SYTL5: variants seen among roughly 807,000 people sequenced by gnomAD.
SYTL5 encodes the protein synaptotagmin-like protein 5.
SYTL5 carries 34 observed loss-of-function variants against 55.9 expected under a neutral mutation model. The observed-to-expected ratio is 0.61, with a 90% CI of 0.46 to 0.81. The LOEUF (loss-of-function observed/expected upper bound fraction) is 0.81, where lower values mean the gene tolerates loss of function less well. SYTL5 is among the 30% of genes least tolerant of loss of function. SYTL5 has a pLI of 0.00. For missense variants in SYTL5, 637 were observed against 546.7 expected, an observed-to-expected ratio of 1.17 and a Z score of -1.65; for synonymous variants, 221 against 188.7, an observed-to-expected ratio of 1.17 and a Z score of -1.40.
chrX:38,027,082 G>A (rs1355780206), intron 1 of SYTL5, among the ~76,000 whole-genome samples: 1 of 111,835 alleles, frequency 8.9e-6, no homozygotes, highest in Non-Finnish European at 1.9e-5. Context: ...ATTCAGAGTA[G>A]AGAGGAGCTC....
intron 2 of SYTL5, among the ~76,000 whole-genome samples, chrX:38,051,432 A>G (rs1236704275): frequency 8.9e-6 from 1 of 111,738 alleles, no homozygotes; most frequent in Non-Finnish European, 1.9e-5. Context: ...TCAAAATTCT[A>G]AGTGAGATTG....
the SYTL5 span, among the ~76,000 whole-genome samples, chrX:37,901,402 C>T: frequency 2.7e-5 from 3 of 112,135 alleles, no homozygotes; most frequent in Non-Finnish European, 5.6e-5. Context: ...GACAAGCCTG[C>T]AGCTGGGCCT....
At position 38,072,070 on chromosome X, in the gene SYTL5, A is replaced by T. The variant is rs1470953540; in HGVS notation, c.353A>T (p.Glu118Val). The T allele has an allele frequency of 8.3e-7, 1 of 1,206,964 alleles. No homozygotes were observed. The highest frequency in any genetic ancestry group is 1.1e-6 in the Non-Finnish European group (1 of 892,703). ...KIAQLRIITGEWFFEEKAKRF... is the reference protein window; with the variant it reads ...KIAQLRIITGVWFFEEKAKRF... ...AGGCAGCTAAGGATTATAACTGGTG[A>T]GTGGTTTTTTGAAGAAAAGGCAAAA... The change falls in exon 4 of 17, where the codon GAG (glutamate) becomes GTG (valine). Residue 118 changes from glutamate to valine, a missense_variant. Glu to Val is a moderately radical substitution (Grantham distance 121). Transcript: ENST00000297875.
chrX:38,106,505 A>G, intron 10 of SYTL5, 88 bp from the exon 11 acceptor site: 1 of 851,249 alleles, frequency 1.2e-6, no homozygotes, highest in East Asian at 3.4e-5. Context: ...TATAAAGAAC[A>G]GGAACTATAA....
At chrX:37,979,951 T>A in the SYTL5 span, among the ~76,000 whole-genome samples, 1 of 110,055 alleles carries the variant, frequency 9.1e-6, no homozygotes, top group East Asian at 2.9e-4. Flanking sequence ...CCTAATGCTA[T>A]CCCTCCTCCC....
intron 8 of SYTL5, 75 bp downstream of exon 8, chrX:38,094,499 T>C: frequency 2.9e-6 from 3 of 1,045,237 alleles, no homozygotes; most frequent in Non-Finnish European, 3.9e-6. Context: ...ATGTGTGGTA[T>C]TAAGTGGATG....
In SYTL5 at chrX:38,122,130, G is replaced by A; in HGVS notation, c.1756G>A (p.Gly586Arg). The A allele has an allele frequency of 8.3e-7, 1 of 1,203,154 alleles. No individual in the cohort carries two copies. Among genetic ancestry groups the A allele is most frequent in the Non-Finnish European group, 1.1e-6 (1 of 889,538 alleles). ...GKKKESPVIS[G>R]GILEVFIKEA... ...GAAGAAGGAGTCACCTGTAATCTCT[G>A]GAGGAATACTAGAAGTGTTCATCAA... The change falls in exon 15 of 17, where the codon GGA becomes AGA. Residue 586 changes from glycine to arginine, a missense_variant. By Grantham distance (125) the Gly-to-Arg change is moderately radical (BLOSUM62 -2). Coordinates refer to ENST00000297875, the MANE Select transcript of SYTL5 (RefSeq NM_138780.3).
chrX:37,892,826 C>T, the SYTL5 span, among the ~76,000 whole-genome samples: 2 of 94,833 alleles, frequency 2.1e-5, no homozygotes, highest in Admixed American at 1.3e-4. Flanking sequence ...AATATATACA[C>T]ATATACTATA....
At chrX:38,011,881 AT>A (rs56879270) in intron 1 of SYTL5, among the ~76,000 whole-genome samples, 68 of 104,419 alleles carry the variant, frequency 6.5e-4, no homozygotes, top group South Asian at 1.2e-3. Context: ...GTTTAGTGGG[AT>A]TTTTTTTTTT....
intron 3 of SYTL5, among the ~76,000 whole-genome samples, chrX:38,065,317 C>T (rs975001240): frequency 1.8e-5 from 2 of 110,547 alleles, no homozygotes; most frequent in African/African-American, 3.3e-5. Context: ...CTTTTTATAC[C>T]TCAGACCTAT....
chrX:38,120,565 C>T, intron 14 of SYTL5, 99 bp downstream of exon 14: 1 of 644,229 alleles, frequency 1.6e-6, no homozygotes, highest in Non-Finnish European at 2.5e-6. Context: ...TTTCATATTA[C>T]ACAAACAAAA....
the SYTL5 span, among the ~76,000 whole-genome samples, chrX:37,962,662 A>G: frequency 8.9e-6 from 1 of 112,081 alleles, no homozygotes; most frequent in African/African-American, 3.2e-5. Flanking sequence ...GTCTTCCACA[A>G]TGGTTGAACT....
At chrX:38,073,316 A>G (rs1235845449) in intron 4 of SYTL5, among the ~76,000 whole-genome samples, 1 of 111,858 alleles carries the variant, frequency 8.9e-6, no homozygotes, top group Non-Finnish European at 1.9e-5. Flanking sequence ...CTCTAAAAAT[A>G]TCAACAGAAG....
intron 6 of SYTL5, among the ~76,000 whole-genome samples, chrX:38,079,078 A>G (rs1602374941): frequency 8.9e-6 from 1 of 112,198 alleles, no homozygotes; most frequent in South Asian, 3.8e-4. Flanking sequence ...CCATTATTTC[A>G]AAATGAGTCC....
rs745476379 is a variant in SYTL5, at chrX:38,110,493, C to T, written c.1596+11C>T. Reference sequence around the variant, plus strand: ...GTGCTTCAACCCAAGGTAGGAAATGCTCTCAGATTAGTCAGTTATGCAATG... The same window carrying T: ...GTGCTTCAACCCAAGGTAGGAAATGTTCTCAGATTAGTCAGTTATGCAATG... On this transcript the variant is annotated intron_variant, in intron 13 of 16. Transcript: ENST00000297875. The T allele has an allele frequency of 8.5e-7, 1 of 1,172,379 alleles. No homozygotes were observed. The highest frequency in any genetic ancestry group is 2.0e-5 in the South Asian group (1 of 49,630).
upstream of SYTL5, among the ~76,000 whole-genome samples, chrX:38,003,995 G>T (rs914045898): frequency 8.9e-6 from 1 of 111,942 alleles, no homozygotes; most frequent in African/African-American, 3.2e-5. Flanking sequence ...CTTCTTTTGA[G>T]AAATGTCTAT....
chrX:37,893,307 A>G, the SYTL5 span, among the ~76,000 whole-genome samples: 2 of 99,550 alleles, frequency 2.0e-5, no homozygotes, highest in Admixed American at 2.3e-4. Context: ...TATATACTAT[A>G]TATGTATATA....
At chrX:37,938,863 A>T in the SYTL5 span, among the ~76,000 whole-genome samples, 2 of 112,178 alleles carry the variant, frequency 1.8e-5, no homozygotes, top group African/African-American at 3.2e-5. Context: ...CTTTCATCCA[A>T]ATGAAGGGTT....
intron 1 of SYTL5, among the ~76,000 whole-genome samples, chrX:38,030,101 T>C (rs987380215): frequency 2.7e-5 from 3 of 110,764 alleles, no homozygotes; most frequent in Admixed American, 1.9e-4. Flanking sequence ...GGGTGGGGAC[T>C]TTTTTTTAAC....
Sources: gnomAD v4.1 joint callset for allele counts (sites outside exome capture counted in the v4.1 genomes callset) on GRCh38, gnomAD v4.1.1 for gene constraint, MANE v1.5 for transcripts, NCBI Gene and HGNC (gene_info 2026-07-23, HGNC 2026-07-21) for gene names.